Variants in COL6A5 observed in about 807,000 individuals in gnomAD.
COL6A5 encodes collagen alpha-5(VI) chain.
Under a neutral mutation model 65.6 loss-of-function variants are expected in COL6A5, and 48 were observed. The ratio of observed to expected loss-of-function variants is 0.73; its 90% CI spans 0.58 to 0.93. COL6A5 has a LOEUF of 0.93. Among genes scored for constraint, COL6A5 ranks in the 40% least tolerant of loss-of-function variants. The pLI is 0.00. For missense variants in COL6A5, 914 were observed against 928.3 expected (o/e 0.98, Z 0.20); for synonymous variants, 291 against 322.8 (o/e 0.90, Z 1.05).
In COL6A5 at chr3:130,379,934, C is replaced by T. The variant is rs867162556; in HGVS notation, c.1184C>T (p.Thr395Met). 6.1e-5 allele frequency: 94 copies of T among 1,551,190 alleles called. No individual in the cohort carries two copies. Among genetic ancestry groups the T allele is most frequent in the Middle Eastern group, 5.0e-4 (3 of 6,012 alleles). ...TATCCTCCAGAACAGACAATTTCCA[C>T]GCTGAAGTCCTATGCAGACTTAGAA... The change falls in exon 4 of 42, where the codon ACG (threonine) becomes ATG (methionine). Residue 395 changes from threonine (T) to methionine (M), a missense_variant and NMD_transcript_variant. Thr to Met is a moderately conservative substitution (Grantham distance 81, BLOSUM62 -1). Coordinates refer to the COL6A5 transcript ENST00000312481.
intron 7 of COL6A5, among the ~76,000 whole-genome samples, chr3:130,392,144 C>T (rs1219866650): frequency 2.6e-5 from 4 of 152,142 alleles, no homozygotes; most frequent in Non-Finnish European, 4.4e-5. Flanking sequence ...CAAACTCAAA[C>T]GGAAAGTTTC....
intron 17 of COL6A5, among the ~76,000 whole-genome samples, chr3:130,407,824 T>C (rs1299314942): frequency 6.6e-6 from 1 of 152,112 alleles, no homozygotes; most frequent in African/African-American, 2.4e-5. Flanking sequence ...GAGGTGACAA[T>C]GGAACATGTT....
At chr3:130,346,931 A>T (rs1403610925) in intron 1 of COL6A5, among the ~76,000 whole-genome samples, 1 of 152,220 alleles carries the variant, frequency 6.6e-6, no homozygotes, top group Non-Finnish European at 1.5e-5. Context: ...GCTACAATTT[A>T]CCAATAGAAT....
chr3:130,483,880 C>G (rs1293623603), intron 7 of COL6A5, among the ~76,000 whole-genome samples, 155 bp from the exon 41 acceptor site: 3 of 152,116 alleles, frequency 2.0e-5, no homozygotes, highest in Non-Finnish European at 2.9e-5. Context: ...TATCTATTAT[C>G]ACATCACCCT....
chr3:130,410,630 T>A, intron 20 of COL6A5, 106 bp downstream of exon 20: 1 of 905,400 alleles, frequency 1.1e-6, no homozygotes, highest in Non-Finnish European at 1.7e-6. Context: ...GCTGAAATAT[T>A]TTTCAGGGCT....
At chr3:130,470,523 T>C (rs1709921409) in intron 6 of COL6A5, among the ~76,000 whole-genome samples, 1 of 151,272 alleles carries the variant, frequency 6.6e-6, no homozygotes, top group African/African-American at 2.4e-5. Context: ...ACTTAAAGTA[T>C]AATTAAAAAA....
At chr3:130,440,670 T>C (rs1709158803) in exon 3 of COL6A5, 8 of 1,613,530 alleles carry the variant, frequency 5.0e-6, no homozygotes, top group Non-Finnish European at 6.8e-6. Context: ...GGCTACGTCA[T>C]ATTTGTGATT....
At chr3:130,381,697 C>T (rs1936000240) in intron 4 of COL6A5, among the ~76,000 whole-genome samples, 1 of 151,922 alleles carries the variant, frequency 6.6e-6, no homozygotes. Context: ...AAAATGCTTC[C>T]AGGCAATTGA....
intron 4 of COL6A5, among the ~76,000 whole-genome samples, chr3:130,452,671 C>T (rs751319592): frequency 9.2e-5 from 14 of 152,234 alleles, no homozygotes; most frequent in Admixed American, 5.9e-4. Flanking sequence ...AATGAAGTTT[C>T]GGGCACCATC....
chr3:130,443,006 G>A (rs1709220404), intron 3 of COL6A5, among the ~76,000 whole-genome samples: 1 of 152,104 alleles, frequency 6.6e-6, no homozygotes, highest in Non-Finnish European at 1.5e-5. Flanking sequence ...AGACCAGTAA[G>A]GTAAAATCTT....
intron 7 of COL6A5, among the ~76,000 whole-genome samples, chr3:130,393,751 G>T (rs149732837): frequency 6.6e-6 from 1 of 152,092 alleles, no homozygotes; most frequent in Admixed American, 6.5e-5. Context: ...AGCAAATTTC[G>T]CCCATGAGAG....
chr3:130,477,803 G>GA (rs1157538555), intron 7 of COL6A5, among the ~76,000 whole-genome samples: 2 of 152,080 alleles, frequency 1.3e-5, no homozygotes, highest in South Asian at 2.1e-4. Flanking sequence ...AAGTATTTGG[G>GA]AAAAAATCAT....
chr3:130,401,024 C>T lies in COL6A5; in HGVS notation c.3992-7C>T, dbSNP rs529481434. The T allele has an allele frequency of 3.9e-6, 6 of 1,525,572 alleles. No individual in the cohort carries two copies. In the South Asian group the frequency reaches 6.4e-5, roughly 16 times the overall value. 94.5% of individuals were successfully genotyped at this position (1,525,572 alleles called of 1,614,324 possible). On this transcript the variant is annotated splice_region_variant and splice_polypyrimidine_tract_variant and intron_variant and NMD_transcript_variant, in intron 10 of 41. Transcript: ENST00000312481. Reference sequence around the variant, plus strand: ...GCTTTATTTATATTGTGGTTTTTACCACATAGGACTTGATGCTCTGCTGGT... The same window carrying T: ...GCTTTATTTATATTGTGGTTTTTACTACATAGGACTTGATGCTCTGCTGGT...
intron 7 of COL6A5, among the ~76,000 whole-genome samples, chr3:130,473,557 G>C (rs1710012819): frequency 6.6e-6 from 1 of 152,088 alleles, no homozygotes; most frequent in African/African-American, 2.4e-5. Context: ...GGCCAAAAGA[G>C]TCAGGGTCAT....
intron 4 of COL6A5, among the ~76,000 whole-genome samples, chr3:130,450,031 G>A (rs906637283): frequency 4.8e-5 from 7 of 146,234 alleles, no homozygotes; most frequent in South Asian, 2.2e-4. Flanking sequence ...CAACCACCCC[G>A]CCTCCTACTG....
chr3:130,471,839 A>G (rs1709960454), intron 7 of COL6A5: 1 of 1,533,586 alleles, frequency 6.5e-7, no homozygotes. Flanking sequence ...GCTCTTTTCA[A>G]CTGAGAAACT....
chr3:130,447,091 A>G (rs1295912827), intron 4 of COL6A5, among the ~76,000 whole-genome samples: 1 of 152,154 alleles, frequency 6.6e-6, no homozygotes, highest in Non-Finnish European at 1.5e-5. Flanking sequence ...CCACTGTTGC[A>G]TAAATGAATC....
chr3:130,409,433 C>T (rs1937105255), intron 18 of COL6A5, 45 bp downstream of exon 18: 2 of 1,462,546 alleles, frequency 1.4e-6, no homozygotes, highest in Middle Eastern at 1.8e-4. Flanking sequence ...ATACTTGCTC[C>T]ACAGTTCCTA....
exon 6 of COL6A5, chr3:130,469,340 G>A: frequency 1.2e-6 from 2 of 1,612,838 alleles, no homozygotes; most frequent in Non-Finnish European, 1.7e-6. Flanking sequence ...GTTTTCCTTT[G>A]GCCCTAAACA....
Sources: gnomAD v4.1 joint callset for allele counts (sites outside exome capture counted in the v4.1 genomes callset) on GRCh38, gnomAD v4.1.1 for gene constraint, MANE v1.5 for transcripts, NCBI Gene and HGNC (gene_info 2026-07-23, HGNC 2026-07-21) for gene names.